RYR3: variants seen among roughly 807,000 people sequenced by gnomAD.
The protein encoded by RYR3 is ryanodine receptor 3, also known as brain ryanodine receptor-calcium release channel.
Under a neutral mutation model 584.3 loss-of-function variants are expected in RYR3, and 207 were observed. The observed-to-expected ratio is 0.35, with a 90% confidence interval of 0.32 to 0.40. The LOEUF (loss-of-function observed/expected upper bound fraction) is 0.40. Ranked by LOEUF, RYR3 falls within the 10% of genes least tolerant of loss-of-function variation. The probability of loss-of-function intolerance (pLI) is 1.00; values close to 1 mark genes in which losing one functional copy is unlikely to be tolerated. For synonymous variants in RYR3, 2,416 were observed against 2,248.5 expected, an observed-to-expected ratio of 1.07 and a Z score of -2.11; for missense variants, 5,616 against 6,089.2, an observed-to-expected ratio of 0.92 and a Z score of 2.59.
At chr15:33,710,810 A>C (rs1435235096) in intron 43 of RYR3, among the ~76,000 whole-genome samples, 1 of 152,238 alleles carries the variant, frequency 6.6e-6, no homozygotes, top group African/African-American at 2.4e-5. Flanking sequence ...CCCAAGTTTT[A>C]GCTGGGCCCA....
chr15:33,497,209 GA>G (rs1354396226), intron 2 of RYR3, among the ~76,000 whole-genome samples: 2 of 152,144 alleles, frequency 1.3e-5, no homozygotes, highest in African/African-American at 4.8e-5. Flanking sequence ...CATCACCACA[GA>G]AATTTCTCCG....
Position 33,852,894 on chromosome 15 carries a change from C to T in RYR3, c.13629-151C>T, listed in dbSNP as rs2079251150. 3 of 677,800 alleles carry T rather than the reference C, an allele frequency of 4.4e-6. No homozygotes were observed. In the East Asian group the frequency reaches 8.4e-5, roughly 19 times the overall value. 42.0% of individuals were successfully genotyped at this position (677,800 alleles called of 1,614,324 possible). On this transcript the variant is annotated intron_variant, in intron 94 of 103. Transcript: ENST00000634891. ...CATGACTCAGTAGAGCCTGTGATGA[C>T]TCTGAACTTCAATCAGATCTTAAAA...
At chr15:33,840,510 A>G (rs2152983423) in intron 89 of RYR3, 1 of 358,434 alleles carries the variant, frequency 2.8e-6, no homozygotes, top group Non-Finnish European at 5.0e-6. Flanking sequence ...TCTGTGTCCC[A>G]TGTCTTTCTG....
chr15:33,435,471 G>A (rs1008030160), intron 1 of RYR3, among the ~76,000 whole-genome samples: 4 of 152,168 alleles, frequency 2.6e-5, no homozygotes, highest in African/African-American at 9.7e-5. Context: ...GTGTATGTGT[G>A]TGTGTGCTAT....
Position 33,500,034 on chromosome 15 carries a change from G to GAT in RYR3, c.172-3596_172-3595dup, listed in dbSNP as rs1352675307. On this transcript the variant is annotated intron_variant, in intron 2 of 103. Coordinates refer to ENST00000634891, the MANE Select transcript of RYR3 (RefSeq NM_001036.6). The stretch of plus-strand genomic sequence containing the variant: ...AGCCATAATCAGCACCACACTCCTG[G>GAT]ATGATAGTCTTGAAGGACACAGGAT... 3.3e-5 allele frequency among the ~76,000 whole-genome samples: 5 copies of GAT among 152,312 alleles called. No individual in the cohort carries two copies. In the East Asian group the frequency reaches 9.6e-4, roughly 29 times the overall value.
intron 102 of RYR3, among the ~76,000 whole-genome samples, chr15:33,862,644 TC>T (rs1888751878): frequency 6.6e-6 from 1 of 152,066 alleles, no homozygotes; most frequent in Non-Finnish European, 1.5e-5. Flanking sequence ...TGAGACAGTC[TC>T]TGTCACCCAG....
intron 1 of RYR3, among the ~76,000 whole-genome samples, chr15:33,395,262 G>A (rs1272540662): frequency 6.6e-6 from 1 of 152,238 alleles, no homozygotes; most frequent in East Asian, 1.9e-4. Context: ...GGACGTAGCT[G>A]GAGCCTTTTC....
At chr15:33,817,136 A>C (rs931770376) in intron 75 of RYR3, among the ~76,000 whole-genome samples, 178 bp downstream of exon 75, 2 of 152,208 alleles carry the variant, frequency 1.3e-5, no homozygotes, top group Admixed American at 1.3e-4. Context: ...CCAGAGGATG[A>C]ATTTTCACTT....
chr15:33,414,626 A>G (rs780697155), intron 1 of RYR3, among the ~76,000 whole-genome samples: 9 of 152,092 alleles, frequency 5.9e-5, no homozygotes, highest in African/African-American at 1.7e-4. Flanking sequence ...TTTTTTTTGG[A>G]TGGAGTCTCG....
intron 2 of RYR3, among the ~76,000 whole-genome samples, chr15:33,476,006 A>G (rs1354792368): frequency 6.6e-6 from 1 of 152,242 alleles, no homozygotes; most frequent in Admixed American, 6.5e-5. Context: ...AGTACACTTA[A>G]CAGCTAGAGT....
intron 19 of RYR3, among the ~76,000 whole-genome samples, chr15:33,614,678 A>G (rs977335975): frequency 6.6e-6 from 1 of 152,076 alleles, no homozygotes; most frequent in African/African-American, 2.4e-5. Context: ...TATATAGTAT[A>G]TGTAATATAT....
At chr15:33,791,195 G>A (rs2075132933) in intron 67 of RYR3, among the ~76,000 whole-genome samples, 1 of 152,176 alleles carries the variant, frequency 6.6e-6, no homozygotes, top group African/African-American at 2.4e-5. Context: ...GTTAACATAG[G>A]AAACTTGTCA....
intron 1 of RYR3, among the ~76,000 whole-genome samples, chr15:33,447,441 C>T (rs1164254255): frequency 6.6e-6 from 1 of 152,150 alleles, no homozygotes; most frequent in Non-Finnish European, 1.5e-5. Context: ...TCCTTCCCCA[C>T]CCCATGCCCA....
At chr15:33,359,379 C>T (rs1475932538) in intron 1 of RYR3, among the ~76,000 whole-genome samples, 1 of 152,194 alleles carries the variant, frequency 6.6e-6, no homozygotes, top group African/African-American at 2.4e-5. Context: ...CCCGACTCTT[C>T]ACCTTCCTCC....
intron 1 of RYR3, among the ~76,000 whole-genome samples, chr15:33,369,983 A>G (rs571281682): frequency 5.3e-5 from 8 of 152,200 alleles, no homozygotes; most frequent in Non-Finnish European, 1.2e-4. Context: ...CACATGGAAA[A>G]TGCTCATCAA....
At chr15:33,686,169 A>G (rs2064993873) in intron 38 of RYR3, among the ~76,000 whole-genome samples, 1 of 152,216 alleles carries the variant, frequency 6.6e-6, no homozygotes, top group South Asian at 2.1e-4. Flanking sequence ...TTTTGAAAAG[A>G]TAGACCGCTA....
chr15:33,755,294 A>G, intron 58 of RYR3, 114 bp downstream of exon 58: 1 of 706,762 alleles, frequency 1.4e-6, no homozygotes, highest in South Asian at 1.8e-5. Context: ...TAGGGGGAAA[A>G]CAGTGGCTGA....
At chr15:33,715,092 G>A (rs1306566306) in intron 43 of RYR3, among the ~76,000 whole-genome samples, 5 of 152,222 alleles carry the variant, frequency 3.3e-5, no homozygotes, top group African/African-American at 1.2e-4. Flanking sequence ...CCTAAAGGGA[G>A]AGCATATGGA....
At chr15:33,527,425 C>T (rs796909988) in intron 3 of RYR3, among the ~76,000 whole-genome samples, 16 of 152,082 alleles carry the variant, frequency 1.1e-4, no homozygotes, top group African/African-American at 3.9e-4. Flanking sequence ...GCCAAAAATA[C>T]AAAAATTAGC....
Sources: allele counts gnomAD v4.1 joint callset (sites outside exome capture counted in the v4.1 genomes callset), GRCh38; gene constraint gnomAD v4.1.1; transcripts MANE v1.5; gene names NCBI Gene and HGNC (gene_info 2026-07-23, HGNC 2026-07-21).